Variants in PTPRA observed in about 807,000 individuals in gnomAD.
PTPRA encodes the protein receptor-type tyrosine-protein phosphatase alpha.
A neutral mutation model predicts 104.8 loss-of-function variants in PTPRA; 25 were observed. The observed-to-expected ratio is 0.24, with a 90% CI of 0.17 to 0.33. The LOEUF (loss-of-function observed/expected upper bound fraction) is 0.33. Ranked by LOEUF, PTPRA falls within the 10% of genes least tolerant of loss-of-function variation. The pLI, the probability that PTPRA is intolerant of heterozygous loss-of-function variation, is 1.00. For missense variants in PTPRA, 765 were observed against 1,015.3 expected (o/e 0.75, Z 3.35); for synonymous variants, 323 against 368.9 (o/e 0.88, Z 1.43).
intron 1 of PTPRA, among the ~76,000 whole-genome samples, chr20:2,887,355 A>C (rs1047906785): frequency 6.6e-6 from 1 of 152,150 alleles, no homozygotes; most frequent in East Asian, 1.9e-4. Flanking sequence ...GTGCAGTAAA[A>C]GGTTTGTTTG....
At chr20:3,032,413 A>C (rs1432949286) in intron 20 of PTPRA, among the ~76,000 whole-genome samples, 2 of 152,004 alleles carry the variant, frequency 1.3e-5, no homozygotes, top group Non-Finnish European at 2.9e-5. Flanking sequence ...TGCTAATCTC[A>C]CTTTCCCTTC....
chr20:2,865,095 G>A, the PTPRA span: 1 of 1,613,994 alleles, frequency 6.2e-7, no homozygotes, highest in East Asian at 2.2e-5. This position sits in a 1 kb window ranked among gnomAD's most constrained non-coding sequence, Gnocchi z 5.2. Context: ...TCGTCTCCTG[G>A]TCTTCCCTCC....
chr20:2,873,421 G>T (rs2089481662), upstream of PTPRA: 1 of 152,154 alleles, frequency 6.6e-6, no homozygotes, highest in South Asian at 2.1e-4. This position sits in a 1 kb window ranked among gnomAD's most constrained non-coding sequence, Gnocchi z 4.4. Flanking sequence ...CCCGTTCGCT[G>T]TCGGCCAACC....
chr20:2,952,537 T>A (rs2061387933), intron 3 of PTPRA, among the ~76,000 whole-genome samples: 1 of 152,052 alleles, frequency 6.6e-6, no homozygotes, highest in Non-Finnish European at 1.5e-5. Flanking sequence ...TCATGTCTTT[T>A]AAAAAAAATT....
At chr20:3,012,938 G>A (rs1348491559) in intron 11 of PTPRA, among the ~76,000 whole-genome samples, 1 of 152,116 alleles carries the variant, frequency 6.6e-6, no homozygotes, top group African/African-American at 2.4e-5. Flanking sequence ...TTATTGAGAT[G>A]TAATTCAAAT....
chr20:2,982,943 C>T (rs1055400977), intron 6 of PTPRA, among the ~76,000 whole-genome samples: 12 of 152,062 alleles, frequency 7.9e-5, no homozygotes, highest in Admixed American at 2.0e-4. Flanking sequence ...CATGATCTGC[C>T]CACCTCGGCT....
intron 3 of PTPRA, among the ~76,000 whole-genome samples, chr20:2,954,749 G>A (rs2147835399): frequency 6.6e-6 from 1 of 152,280 alleles, no homozygotes; most frequent in Non-Finnish European, 1.5e-5. Flanking sequence ...TGCTTTTGGT[G>A]TTATATCCAA....
At chr20:3,019,927 A>G (rs1030465105) in intron 13 of PTPRA, among the ~76,000 whole-genome samples, 3 of 152,022 alleles carry the variant, frequency 2.0e-5, no homozygotes, top group African/African-American at 7.2e-5. Flanking sequence ...TACGAAAACC[A>G]GTCAGGCGTG....
At chr20:2,902,380 C>T (rs941792696) in intron 1 of PTPRA, among the ~76,000 whole-genome samples, 1 of 152,158 alleles carries the variant, frequency 6.6e-6, no homozygotes, top group Non-Finnish European at 1.5e-5. Flanking sequence ...TTTCCCTACT[C>T]CCTTTCTTAA....
the PTPRA span, among the ~76,000 whole-genome samples, chr20:2,868,271 G>T: frequency 6.7e-6 from 1 of 149,192 alleles, no homozygotes. Context: ...AGTAATACAG[G>T]CCCACCCCAC....
intron 2 of PTPRA, among the ~76,000 whole-genome samples, chr20:2,926,769 C>CTTTTTTTTTTTTTTCT (rs2060312177): frequency 1.2e-5 from 1 of 85,020 alleles, no homozygotes; most frequent in Admixed American, 1.6e-4. Context: ...TTTCCTTTTC[C>CTTTTTTTTTTTTTTCT]TTTTTTTTTT....
In PTPRA at chr20:3,022,691, C is replaced by CA; in HGVS notation, c.1332dup (p.Gly445ArgfsTer12). On this transcript the variant is annotated frameshift_variant, in exon 16 of 24. Transcript: ENST00000399903. LOFTEE classifies it high-confidence loss of function. The surrounding 1 kb of genome is among the most constrained non-coding windows in gnomAD (Gnocchi z 4.6). Reference sequence around the variant, plus strand: ...AACCCCCTGCTCTCTGGCTACAGTGCAGGTGTAGGGCGTACAGGTACCTTT... The same window carrying CA: ...AACCCCCTGCTCTCTGGCTACAGTGCAAGGTGTAGGGCGTACAGGTACCTTT... 6.2e-7 allele frequency: 1 copy of CA among 1,614,144 alleles called. No individual in the cohort carries two copies. Among genetic ancestry groups the CA allele is most frequent in the Non-Finnish European group, 8.5e-7 (1 of 1,180,006 alleles).
intron 1 of PTPRA, among the ~76,000 whole-genome samples, chr20:2,877,072 C>T (rs926698920): frequency 1.3e-5 from 2 of 152,070 alleles, no homozygotes; most frequent in Non-Finnish European, 2.9e-5. Flanking sequence ...ATTGGAGGTG[C>T]TCAGTGTCAG....
At chr20:3,031,473 G>T (rs1328481500) in intron 20 of PTPRA, among the ~76,000 whole-genome samples, 1 of 151,972 alleles carries the variant, frequency 6.6e-6, no homozygotes, top group Non-Finnish European at 1.5e-5. Context: ...TTGAGCCCCT[G>T]TTCCTGACTC....
At chr20:2,951,336 G>A (rs2061347466) in intron 3 of PTPRA, among the ~76,000 whole-genome samples, 1 of 152,086 alleles carries the variant, frequency 6.6e-6, no homozygotes, top group East Asian at 1.9e-4. Context: ...TCCTGACCTC[G>A]TGATCCGCCC....
chr20:2,951,795 A>G (rs2061362366), intron 3 of PTPRA, among the ~76,000 whole-genome samples: 1 of 152,188 alleles, frequency 6.6e-6, no homozygotes, highest in Non-Finnish European at 1.5e-5. Context: ...CTGTCTTGTC[A>G]GCGGCAATCA....
chr20:2,974,005 G>T lies in PTPRA; in HGVS notation c.416-1210G>T, dbSNP rs2062311650. Reference sequence around the variant, plus strand: ...CTCGCTCTGTTGCCCAGGCTGGAGTGCAGTGGCGTGATCTCTGCTCACCGC... The same window carrying T: ...CTCGCTCTGTTGCCCAGGCTGGAGTTCAGTGGCGTGATCTCTGCTCACCGC... On this transcript the variant is annotated intron_variant, in intron 5 of 23. Coordinates refer to ENST00000399903, the MANE Select transcript of PTPRA (RefSeq NM_001385305.1). Among the ~76,000 whole-genome samples, 3 of 147,294 alleles carry T rather than the reference G, an allele frequency of 2.0e-5. No homozygotes were observed. The Admixed American group carries it at 2.0e-4, about 10-fold the overall frequency.
At chr20:2,945,395 A>G (rs892779388) in intron 2 of PTPRA, among the ~76,000 whole-genome samples, 1 of 152,114 alleles carries the variant, frequency 6.6e-6, no homozygotes, top group Admixed American at 6.5e-5. Context: ...CAATCATTTT[A>G]ATTCAGTTTC....
In PTPRA at chr20:2,942,325, G is replaced by A. The variant is rs117210446; in HGVS notation, c.-49-5657G>A. Among the ~76,000 whole-genome samples the A allele has an allele frequency of 2.5e-3, 378 of 152,246 alleles. 2 individuals are homozygous for A. The South Asian group carries it at 0.028, about 11-fold the overall frequency. ...TTTGCTAGGATTTTAAGATTTTGCA[G>A]TTAAAGTTATTTTCTTTTTTGTGTG... On this transcript the variant is annotated intron_variant, in intron 2 of 23. Coordinates refer to ENST00000399903, the MANE Select transcript of PTPRA (RefSeq NM_001385305.1).
Sources: gnomAD v4.1 joint callset for allele counts (sites outside exome capture counted in the v4.1 genomes callset) on GRCh38, gnomAD v4.1.1 for gene constraint, Gnocchi (gnomAD v3.1) non-coding constraint, MANE v1.5 for transcripts, NCBI Gene and HGNC (gene_info 2026-07-23, HGNC 2026-07-21) for gene names.